Variants in UBAC1 observed in about 807,000 individuals in gnomAD.
UBAC1 encodes ubiquitin-associated domain-containing protein 1.
Under a neutral mutation model 45.9 loss-of-function variants are expected in UBAC1, and 27 were observed. The ratio of observed to expected loss-of-function variants is 0.59; its 90% CI spans 0.43 to 0.81. The LOEUF is 0.81. Among genes scored for constraint, UBAC1 ranks in the 30% least tolerant of loss-of-function variants. The pLI is 0.00. For missense variants in UBAC1, 529 were observed against 539.2 expected (o/e 0.98, Z 0.19); for synonymous variants, 227 against 215.5 (o/e 1.05, Z -0.47).
At chr9:135,933,643 C>T (rs749997868) in intron 9 of UBAC1, 128 bp from the exon 10 acceptor site, 32 of 682,578 alleles carry the variant, frequency 4.7e-5, no homozygotes, top group Non-Finnish European at 7.4e-5. Flanking sequence ...CCACACAGAG[C>T]TCACTGCTAA....
Position 135,947,860 on chromosome 9 carries a change from C to A in UBAC1, c.379G>T (p.Ala127Ser), listed in dbSNP as rs1372350440. 1.9e-6 allele frequency: 3 copies of A among 1,614,062 alleles called. 1 individual carries two copies. The African/African-American group carries it at 4.0e-5, about 22-fold the overall frequency. Reference protein sequence around the residue: ...KAPDKEAILRATANLPSYNMD... With the variant: ...KAPDKEAILRSTANLPSYNMD... ...TTGTAGGAGGGCAGGTTGGCGGTGG[C>A]CCGCAGTATGGCCTCTTTATCTGGA... Residue 127 changes from alanine to serine, a missense_variant, in exon 4 of 10, where the codon GCC (alanine) becomes TCC (serine). Coordinates refer to ENST00000371756, the MANE Select transcript of UBAC1 (RefSeq NM_016172.3).
intron 3 of UBAC1, among the ~76,000 whole-genome samples, chr9:135,953,079 C>T (rs11103237): frequency 0.19 from 29,374 of 152,094 alleles, 3,502 homozygotes; most frequent in Non-Finnish European, 0.27. Flanking sequence ...GACAGCAGCG[C>T]GGGAGTGAAC....
chr9:135,960,919 C>T, intron 1 of UBAC1, 106 bp downstream of exon 1: 1 of 1,056,194 alleles, frequency 9.5e-7, no homozygotes, highest in Non-Finnish European at 1.3e-6. Context: ...GAGCTGCGGA[C>T]TGGGCGGCGG....
At chr9:135,947,666 G>C in intron 4 of UBAC1, 132 bp downstream of exon 4, 1 of 671,666 alleles carries the variant, frequency 1.5e-6, no homozygotes, top group Non-Finnish European at 2.5e-6. Flanking sequence ...CAGTCCTACA[G>C]ACCCGCTCAC....
At position 135,933,497 on chromosome 9, in the gene UBAC1, T is replaced by C; in HGVS notation, c.1121A>G (p.Glu374Gly). 1 of 1,613,952 alleles carries C rather than the reference T, an allele frequency of 6.2e-7. No homozygotes were observed. The highest frequency in any genetic ancestry group is 8.5e-7 in the Non-Finnish European group (1 of 1,179,908). Residue 374 changes from glutamate (E) to glycine (G), a missense_variant, in exon 10 of 10, where the codon GAG (glutamate) becomes GGG (glycine). Glu to Gly is a moderately conservative substitution (Grantham distance 98, BLOSUM62 -2). Transcript: ENST00000371756. ...CCACTGGGTGCTGTTCAGTGGGTTC[T>C]CCAGCATGTCTTCAAATGCTGCAGG... ...KTLLAFEDMLENPLNSTQWMN... is the reference protein window; with the variant it reads ...KTLLAFEDMLGNPLNSTQWMN...
intron 3 of UBAC1, among the ~76,000 whole-genome samples, chr9:135,948,398 GGA>G (rs558280222): frequency 2.6e-5 from 4 of 152,274 alleles, no homozygotes; most frequent in Non-Finnish European, 5.9e-5. Context: ...GGACGAGGAT[GGA>G]GGGATCAGCG....
At chr9:135,938,471 C>T in intron 8 of UBAC1, 111 bp from the exon 9 acceptor site, 1 of 1,377,792 alleles carries the variant, frequency 7.3e-7, no homozygotes, top group Non-Finnish European at 9.7e-7. Flanking sequence ...TCCTGTTGAG[C>T]CCCCAGGGCT....
Position 135,945,376 on chromosome 9 carries a change from T to C in UBAC1, c.654-126A>G, listed in dbSNP as rs1344083793. The C allele has an allele frequency of 3.6e-6, 3 of 828,148 alleles. No homozygotes were observed. The South Asian group carries it at 6.0e-5, about 16-fold the overall frequency. The allele number at this position is 828,148 out of a possible 1,614,324, so 51.3% of individuals were successfully genotyped here. On this transcript the variant is annotated intron_variant, in intron 6 of 9. Transcript: ENST00000371756. ...CTCCAGCATCAGCTGGTGACCCTTA[T>C]AACAAGAACCTGAATGAACACAGGT...
intron 6 of UBAC1, 157 bp from the exon 7 acceptor site, chr9:135,945,407 G>C (rs981314608): frequency 1.6e-6 from 1 of 640,686 alleles, no homozygotes; most frequent in East Asian, 3.0e-5. Flanking sequence ...CAGGTGCGAC[G>C]GAAGCGCTGG....
intron 9 of UBAC1, 79 bp from the exon 10 acceptor site, chr9:135,933,594 C>T: frequency 9.8e-7 from 1 of 1,020,318 alleles, no homozygotes; most frequent in African/African-American, 1.6e-5. Flanking sequence ...TCCTCTTCGG[C>T]AGCTTCCTAA....
At chr9:135,945,551 G>C (rs1839321376) in intron 6 of UBAC1, 1 of 502,204 alleles carries the variant, frequency 2.0e-6, no homozygotes, top group Non-Finnish European at 3.5e-6. Flanking sequence ...GCTGCCCCTG[G>C]ATCTCGGATT....
At chr9:135,943,549 G>A (rs1242241975) in intron 7 of UBAC1, among the ~76,000 whole-genome samples, 14 of 152,180 alleles carry the variant, frequency 9.2e-5, no homozygotes, top group Admixed American at 9.2e-4. Context: ...GACATGTGGT[G>A]ATTCCTCAAA....
intron 4 of UBAC1, among the ~76,000 whole-genome samples, chr9:135,947,035 G>A (rs1251250628): frequency 6.6e-6 from 1 of 152,200 alleles, no homozygotes; most frequent in Non-Finnish European, 1.5e-5. Context: ...CTCTCTGGAA[G>A]ACACCCCAAG....
At chr9:135,957,870 G>T (rs1839485335) in intron 1 of UBAC1, among the ~76,000 whole-genome samples, 1 of 149,842 alleles carries the variant, frequency 6.7e-6, no homozygotes, top group Non-Finnish European at 1.5e-5. Flanking sequence ...CGCTTCCCAG[G>T]TTCAAGCGAT....
chr9:135,955,363 A>G lies in UBAC1; in HGVS notation c.191T>C (p.Ile64Thr). 1 of 1,607,050 alleles carries G rather than the reference A, an allele frequency of 6.2e-7. No individual in the cohort carries two copies. The highest frequency in any genetic ancestry group is 1.7e-4 in the Middle Eastern group (1 of 6,046). Residue 64 changes from isoleucine (I) to threonine (T), a missense_variant, in exon 2 of 10, where the codon ATC becomes ACC. Physicochemically the swap from Ile to Thr is moderately conservative, Grantham distance 89 (BLOSUM62 -1). Transcript: ENST00000371756. ...DPKSITHHKL[I>T]HAASERVLSD... ...CAGCACCCTCTCTGAGGCAGCGTGG[A>G]TTAATTTATGATGGGTTATACTTTT... is the stretch of plus-strand genomic sequence containing the variant.
intron 1 of UBAC1, among the ~76,000 whole-genome samples, chr9:135,956,164 G>A (rs145180067): frequency 1.1e-4 from 16 of 152,290 alleles, no homozygotes; most frequent in Non-Finnish European, 2.2e-4. Context: ...AGCCACCTCC[G>A]AGCAGCGCTC....
chr9:135,945,760 T>G (rs1839323854), intron 6 of UBAC1, 129 bp downstream of exon 6: 2 of 707,142 alleles, frequency 2.8e-6, no homozygotes, highest in Non-Finnish European at 4.7e-6. Context: ...AAGGTACCTC[T>G]TCAAAACCCC....
chr9:135,937,284 A>G (rs1334208943), intron 9 of UBAC1, among the ~76,000 whole-genome samples: 2 of 151,912 alleles, frequency 1.3e-5, no homozygotes, highest in African/African-American at 2.4e-5. Flanking sequence ...CTACTAAAAT[A>G]CGAAAAATTA....
At chr9:135,941,023 G>T (rs1248013244) in intron 7 of UBAC1, among the ~76,000 whole-genome samples, 1 of 152,222 alleles carries the variant, frequency 6.6e-6, no homozygotes, top group African/African-American at 2.4e-5. Flanking sequence ...ACCATCAGAT[G>T]CTTCCAAGAG....
Sources: gnomAD v4.1 joint callset for allele counts (sites outside exome capture counted in the v4.1 genomes callset) on GRCh38, gnomAD v4.1.1 for gene constraint, MANE v1.5 for transcripts, NCBI Gene and HGNC (gene_info 2026-07-23, HGNC 2026-07-21) for gene names.